ZNF718: variants seen among roughly 807,000 people sequenced by gnomAD.
The protein encoded by ZNF718 is zinc finger protein 718.
ZNF718 carries 3 observed loss-of-function variants against 2.6 expected under a neutral mutation model. The ratio of observed to expected loss-of-function variants is 1.16; its 90% CI spans 0.53 to 3.01. ZNF718 has a LOEUF of 3.01. Ranked by LOEUF, ZNF718 falls within the 30% of genes most tolerant of loss-of-function variation. The pLI is 0.03. For missense variants in ZNF718, 468 were observed against 230.0 expected (o/e 2.03, Z -6.69); for synonymous variants, 135 against 77.9 (o/e 1.73, Z -3.86).
chr4:195,073 T>C (rs1017316684), intron 3 of ZNF718, among the ~76,000 whole-genome samples: 1 of 152,150 alleles, frequency 6.6e-6, no homozygotes, highest in Non-Finnish European at 1.5e-5. Flanking sequence ...AACATTGCCT[T>C]TGTGCTCAGG....
At chr4:132,210 C>T (rs1715367735) in intron 3 of ZNF718, among the ~76,000 whole-genome samples, 1 of 101,530 alleles carries the variant, frequency 9.8e-6, no homozygotes, top group South Asian at 3.0e-4. Context: ...CAATATAGAG[C>T]TAGACTCTGT....
Position 146,077 on chromosome 4 carries a change from C to CTATATATATATATA in ZNF718, c.226+14582_226+14595dup, listed in dbSNP as rs5742061. On this transcript the variant is annotated intron_variant, in intron 3 of 3. Transcript: ENST00000510175. Reference sequence around the variant, plus strand: ...GCACCATAATTAGTGATATAGCCTTCTATATATATATATATATATATATGT... The same window carrying CTATATATATATATA: ...GCACCATAATTAGTGATATAGCCTTCTATATATATATATATATATATATATATATATATATATGT... Among the ~76,000 whole-genome samples the CTATATATATATATA allele has an allele frequency of 4.7e-3, 672 of 142,958 alleles. 3 individuals are homozygous for CTATATATATATATA. The highest frequency in any genetic ancestry group is 0.012 in the African/African-American group (462 of 39,038). 93.8% of individuals were successfully genotyped at this position (142,958 alleles called of 152,430 possible).
At chr4:173,432 T>C (rs1232813932) in intron 3 of ZNF718, among the ~76,000 whole-genome samples, 4 of 152,228 alleles carry the variant, frequency 2.6e-5, no homozygotes, top group Non-Finnish European at 5.9e-5. Flanking sequence ...TTTCTATTTG[T>C]TTATAAAACT....
chr4:191,955 G>A lies in ZNF718; in HGVS notation c.227-9126G>A, dbSNP rs190509418. ...AGCTCTATTAGAAGCCCTGGGTCAC[G>A]GAAGAGAACCGTGGAACCCAGGGAC... is the stretch of plus-strand genomic sequence containing the variant. On this transcript the variant is annotated intron_variant and NMD_transcript_variant, in intron 3 of 4. Coordinates refer to the ZNF718 transcript ENST00000642529. Among the ~76,000 whole-genome samples the A allele has an allele frequency of 4.7e-4, 71 of 152,262 alleles. 1 individual carries two copies. In the East Asian group the frequency reaches 6.4e-3, roughly 14 times the overall value.
chr4:153,578 TG>T (rs1306493007), intron 3 of ZNF718, among the ~76,000 whole-genome samples: 2 of 102,128 alleles, frequency 2.0e-5, no homozygotes, highest in Non-Finnish European at 4.1e-5. Flanking sequence ...TTTTTATCAA[TG>T]ATTTATAATT....
At chr4:164,570 A>G (rs1284193981), downstream of ZNF718, among the ~76,000 whole-genome samples, 3 of 152,236 alleles carry the variant, frequency 2.0e-5, no homozygotes, top group Non-Finnish European at 4.4e-5. Context: ...AACTTCATTA[A>G]GTATTTATTG....
At chr4:170,446 C>A (rs1717198956) in intron 3 of ZNF718, among the ~76,000 whole-genome samples, 2 of 152,280 alleles carry the variant, frequency 1.3e-5, no homozygotes, top group African/African-American at 2.4e-5. Flanking sequence ...AGAGTGTTTT[C>A]CAACTTGGTT....
chr4:179,418 G>A (rs1717422018), intron 3 of ZNF718, among the ~76,000 whole-genome samples: 2 of 152,312 alleles, frequency 1.3e-5, no homozygotes, highest in Non-Finnish European at 2.9e-5. Flanking sequence ...ATCTCTGTAA[G>A]AGAAGTAACA....
At position 127,669 on chromosome 4, in the gene ZNF718, C is replaced by A. The variant is rs1220502822; in HGVS notation, c.3+2996C>A. Among the ~76,000 whole-genome samples, 3 of 104,964 alleles carry A rather than the reference C, an allele frequency of 2.9e-5. 1 individual carries two copies. Among genetic ancestry groups the A allele is most frequent in the Non-Finnish European group, 6.4e-5 (3 of 46,912 alleles). 68.9% of individuals were successfully genotyped at this position (104,964 alleles called of 152,430 possible). ...TTCTTTTAATGATCAGACCCAGAGA[C>A]TGGTTAAAATGAGACCACAGTGATG... On this transcript the variant is annotated intron_variant, in intron 1 of 3. Transcript: ENST00000510175.
downstream of ZNF718, among the ~76,000 whole-genome samples, chr4:169,158 T>C (rs34600886): frequency 0.47 from 71,994 of 151,920 alleles, 17,482 homozygotes; most frequent in South Asian, 0.53. Context: ...TGTAGTTGAG[T>C]GGTTTTGAGT....
exon 5 of ZNF718, chr4:201,921 A>T (rs1262946530): frequency 1.1e-5 from 2 of 186,446 alleles, no homozygotes; most frequent in Non-Finnish European, 2.4e-5. Context: ...CATCCTGTTA[A>T]ATCTGTGGAC....
intron 3 of ZNF718, among the ~76,000 whole-genome samples, chr4:170,706 C>G (rs1717205701): frequency 6.6e-6 from 1 of 152,144 alleles, no homozygotes; most frequent in Non-Finnish European, 1.5e-5. Flanking sequence ...CATCAGGTCC[C>G]TTAAGGACTT....
At chr4:189,881 ATTG>A (rs1194792342) in intron 3 of ZNF718, among the ~76,000 whole-genome samples, 1 of 151,976 alleles carries the variant, frequency 6.6e-6, no homozygotes, top group Non-Finnish European at 1.5e-5. Flanking sequence ...ACTTTTTTCT[ATTG>A]TTCAAGTAAC....
intron 3 of ZNF718, among the ~76,000 whole-genome samples, chr4:193,812 T>A: frequency 6.6e-6 from 1 of 152,154 alleles, no homozygotes; most frequent in East Asian, 1.9e-4. Context: ...TGCTGCTGGA[T>A]CATCTGGTTA....
intron 3 of ZNF718, among the ~76,000 whole-genome samples, chr4:133,008 C>T (rs1268476377): frequency 0.014 from 1,329 of 94,602 alleles, 430 homozygotes; most frequent in Middle Eastern, 0.072. Flanking sequence ...GAAACCCCAT[C>T]TCTACTAAAA....
At chr4:182,442 A>AG (rs1553819973) in intron 3 of ZNF718, among the ~76,000 whole-genome samples, 10 of 122,244 alleles carry the variant, frequency 8.2e-5, no homozygotes, top group African/African-American at 2.9e-4. Context: ...TTATTTATTT[A>AG]TTTATTTTTG....
chr4:171,671 C>G (rs899918936), intron 3 of ZNF718, among the ~76,000 whole-genome samples: 1 of 152,142 alleles, frequency 6.6e-6, no homozygotes, highest in Non-Finnish European at 1.5e-5. Context: ...TCCTGGTGTG[C>G]GATTTGCTAA....
chr4:187,917 T>C (rs1717600734), intron 3 of ZNF718, among the ~76,000 whole-genome samples: 1 of 152,114 alleles, frequency 6.6e-6, no homozygotes, highest in Admixed American at 6.5e-5. Flanking sequence ...AAATTAGAAC[T>C]CTGTTGGCCT....
At chr4:132,116 G>A (rs1448770086) in intron 3 of ZNF718, among the ~76,000 whole-genome samples, 1 of 74,598 alleles carries the variant, frequency 1.3e-5, no homozygotes, top group African/African-American at 4.7e-5. Context: ...CAGCCTGGGC[G>A]ACAGAGCGAG....
Sources: allele counts gnomAD v4.1 joint callset (sites outside exome capture counted in the v4.1 genomes callset), GRCh38; gene constraint gnomAD v4.1.1; transcripts MANE v1.5; gene names NCBI Gene and HGNC (gene_info 2026-07-23, HGNC 2026-07-21).